Variants in CTPS2 observed in about 807,000 individuals in gnomAD.
CTPS2 encodes the protein CTP synthase II.
CTPS2 carries 19 observed loss-of-function variants against 46.8 expected under a neutral mutation model. That is an observed-to-expected ratio of 0.41 (90% confidence interval 0.28 to 0.60). The LOEUF (loss-of-function observed/expected upper bound fraction) is 0.60. Ranked by LOEUF, CTPS2 falls within the 20% of genes least tolerant of loss-of-function variation. The probability of loss-of-function intolerance (pLI) is 0.35; values close to 1 mark genes in which losing one functional copy is unlikely to be tolerated. For missense variants in CTPS2, 286 were observed against 447.6 expected, an observed-to-expected ratio of 0.64 and a Z score of 3.26; for synonymous variants, 151 against 165.2, an observed-to-expected ratio of 0.91 and a Z score of 0.66.
intron 17 of CTPS2, among the ~76,000 whole-genome samples, chrX:16,596,403 C>G (rs1929273934): frequency 2.0e-5 from 2 of 102,180 alleles, no homozygotes; most frequent in Non-Finnish European, 4.0e-5. Flanking sequence ...CATGTGTTCT[C>G]ATTGTTCAAT....
At position 16,609,666 on chromosome X, in the gene CTPS2, A is replaced by C. The variant is rs925626449; in HGVS notation, c.1566T>G (p.Gly522=). ...AAGAAAACTCAGGATGGAACTGGACACCAACAAAATAAGGATGATCTGAAA... is the reference window on the plus strand; with the variant it reads ...AAGAAAACTCAGGATGGAACTGGACCCCAACAAAATAAGGATGATCTGAAA... The part of the protein sequence containing the change: ...IELANHPYFV[G]VQFHPEFSSR... Residue 522 remains glycine (G), a synonymous_variant, in exon 17 of 19, where the codon GGT becomes GGG. Coordinates refer to ENST00000359276, the MANE Select transcript of CTPS2 (RefSeq NM_175859.3). 2 of 1,209,251 alleles carry C rather than the reference A, an allele frequency of 1.7e-6. No homozygotes were observed. Among genetic ancestry groups the C allele is most frequent in the Non-Finnish European group, 2.2e-6 (2 of 894,073 alleles).
In CTPS2 at chrX:16,698,983, T is replaced by G; in HGVS notation, c.277A>C (p.Ile93Leu). 1.7e-6 allele frequency: 2 copies of G among 1,201,628 alleles called. No homozygotes were observed. The highest frequency in any genetic ancestry group is 2.2e-6 in the Non-Finnish European group (2 of 889,880). ...TCTTTATTGATCACATGCTGATATA[T>G]CTTCCCCGTGGTGATATTGTTGTCT... ...YKDNNITTGK[I>L]YQHVINKERR... Residue 93 changes from isoleucine to leucine, a missense_variant, in exon 3 of 19, where the codon ATA becomes CTA. Transcript: ENST00000359276.
At chrX:16,699,297 G>GT (rs1006182627) in intron 2 of CTPS2, among the ~76,000 whole-genome samples, 5 of 110,081 alleles carry the variant, frequency 4.5e-5, no homozygotes, top group Admixed American at 2.0e-4. Flanking sequence ...TTCTATTGTG[G>GT]TTTTTTTTTA....
At chrX:16,663,995 C>G (rs749851374) in intron 13 of CTPS2, among the ~76,000 whole-genome samples, 91 of 110,556 alleles carry the variant, frequency 8.2e-4, no homozygotes, top group South Asian at 8.1e-3. Flanking sequence ...GCCACCACGC[C>G]CAGCTAATTT....
chrX:16,684,119 G>C (rs1287581360), intron 8 of CTPS2, among the ~76,000 whole-genome samples: 1 of 111,507 alleles, frequency 9.0e-6, no homozygotes, highest in Non-Finnish European at 1.9e-5. Flanking sequence ...TGTCATCTTG[G>C]GGCTGAAGGT....
At chrX:16,606,396 G>C (rs1929973532) in intron 17 of CTPS2, among the ~76,000 whole-genome samples, 1 of 111,684 alleles carries the variant, frequency 9.0e-6, no homozygotes, top group Non-Finnish European at 1.9e-5. Flanking sequence ...GGTTCCTCTG[G>C]AATCCTGGTG....
At chrX:16,702,627 C>T (rs898452472) in intron 2 of CTPS2, 110 bp downstream of exon 2, 13 of 665,299 alleles carry the variant, frequency 2.0e-5, no homozygotes, top group Middle Eastern at 6.6e-4. Context: ...TCATAGCATA[C>T]GATCTAGTCA....
At chrX:16,679,895 C>A (rs769257054) in intron 9 of CTPS2, among the ~76,000 whole-genome samples, 2 of 111,495 alleles carry the variant, frequency 1.8e-5, no homozygotes, top group South Asian at 7.5e-4. Flanking sequence ...TTGTAAGCCA[C>A]CTGGTCTATG....
chrX:16,618,007 A>C (rs188517094), intron 15 of CTPS2, among the ~76,000 whole-genome samples: 1 of 111,997 alleles, frequency 8.9e-6, no homozygotes, highest in East Asian at 2.8e-4. Context: ...AAATACACAA[A>C]TGATTTTTCG....
intron 8 of CTPS2, among the ~76,000 whole-genome samples, chrX:16,683,742 T>C (rs1382094992): frequency 8.9e-6 from 1 of 112,523 alleles, no homozygotes; most frequent in Non-Finnish European, 1.9e-5. Flanking sequence ...TATTCTTACA[T>C]TGGTTAATAA....
intron 10 of CTPS2, among the ~76,000 whole-genome samples, chrX:16,673,133 G>A (rs1474780356): frequency 1.8e-5 from 2 of 109,224 alleles, no homozygotes; most frequent in Admixed American, 9.8e-5. Context: ...TGATCCGCCC[G>A]CCTCGGCCTC....
At chrX:16,604,099 T>C (rs777802819) in intron 17 of CTPS2, among the ~76,000 whole-genome samples, 1 of 111,758 alleles carries the variant, frequency 8.9e-6, no homozygotes, top group Admixed American at 9.5e-5. Context: ...AGTGAATCAC[T>C]GAGTACCTTT....
intron 11 of CTPS2, 41 bp from the exon 12 acceptor site, chrX:16,667,765 T>C: frequency 8.9e-7 from 1 of 1,124,070 alleles, no homozygotes; most frequent in Non-Finnish European, 1.2e-6. Context: ...TGAACTCACT[T>C]TGTATTTGTT....
chrX:16,600,107 A>G (rs1193876076), intron 17 of CTPS2, among the ~76,000 whole-genome samples: 2 of 112,265 alleles, frequency 1.8e-5, no homozygotes, highest in Non-Finnish European at 3.8e-5. Context: ...AAGGTTTGTC[A>G]TAGTGAAGTT....
At chrX:16,591,053 G>A (rs773583840) in intron 17 of CTPS2, 191 bp from the exon 18 acceptor site, 20 of 316,367 alleles carry the variant, frequency 6.3e-5, no homozygotes, top group African/African-American at 4.6e-4. Context: ...CTCTTTCTTT[G>A]GTCAGAGAAA....
chrX:16,670,055 C>G (rs867564946), intron 11 of CTPS2, among the ~76,000 whole-genome samples: 1 of 67,107 alleles, frequency 1.5e-5, no homozygotes, highest in African/African-American at 1.2e-4. Flanking sequence ...AAGACTCCAT[C>G]TCTTAAAAAA....
chrX:16,674,695 G>C (rs190642722), intron 10 of CTPS2, among the ~76,000 whole-genome samples: 1 of 106,190 alleles, frequency 9.4e-6, no homozygotes, highest in Non-Finnish European at 1.9e-5. Context: ...AAAATTAGCC[G>C]GGCGTGGTGG....
intron 14 of CTPS2, among the ~76,000 whole-genome samples, chrX:16,633,388 T>C (rs1369595463): frequency 8.9e-6 from 1 of 111,951 alleles, no homozygotes; most frequent in Non-Finnish European, 1.9e-5. Context: ...GTTTGGCCCT[T>C]GAACTAAGAA....
chrX:16,704,748 G>A (rs1027431604), intron 1 of CTPS2, among the ~76,000 whole-genome samples: 23 of 110,720 alleles, frequency 2.1e-4, no homozygotes, highest in Non-Finnish European at 3.8e-4. Flanking sequence ...GGGAGGTCAA[G>A]ACCAGCCTGA....
Sources: gnomAD v4.1 joint callset for allele counts (sites outside exome capture counted in the v4.1 genomes callset) on GRCh38, gnomAD v4.1.1 for gene constraint, MANE v1.5 for transcripts, NCBI Gene and HGNC (gene_info 2026-07-23, HGNC 2026-07-21) for gene names.